The following PTPRD variants were observed in gnomAD, a reference collection of about 807,000 sequenced individuals.
PTPRD encodes protein tyrosine phosphatase receptor type D, also known as receptor-type tyrosine-protein phosphatase delta.
Under a neutral mutation model 214.5 loss-of-function variants are expected in PTPRD, and 34 were observed. The ratio of observed to expected loss-of-function variants is 0.16; its 90% CI spans 0.12 to 0.21. The LOEUF is 0.21. Among genes scored for constraint, PTPRD ranks in the 10% least tolerant of loss-of-function variants. PTPRD has a pLI of 1.00. For synonymous variants in PTPRD, 1,128 were observed against 845.7 expected, an observed-to-expected ratio of 1.33 and a Z score of -5.79; for missense variants, 2,545 against 2,398.7, an observed-to-expected ratio of 1.06 and a Z score of -1.27.
At chr9:8,455,394 T>C (rs2096151330) in intron 33 of PTPRD, among the ~76,000 whole-genome samples, 1 of 152,202 alleles carries the variant, frequency 6.6e-6, no homozygotes, top group Non-Finnish European at 1.5e-5. Context: ...TGATAATATG[T>C]TGATTGTGTA....
intron 4 of PTPRD, among the ~76,000 whole-genome samples, chr9:9,975,288 T>C (rs2095311924): frequency 6.6e-6 from 1 of 152,228 alleles, no homozygotes; most frequent in African/African-American, 2.4e-5. Flanking sequence ...CTAGCTCCTC[T>C]CTTTGAACCA....
At chr9:9,328,803 T>C (rs146090424) in intron 9 of PTPRD, among the ~76,000 whole-genome samples, 2 of 150,332 alleles carry the variant, frequency 1.3e-5, no homozygotes, top group African/African-American at 4.9e-5. Flanking sequence ...CATCCAGCTA[T>C]TTCTTTTTTT....
At chr9:8,577,939 A>C (rs1486358217) in intron 14 of PTPRD, among the ~76,000 whole-genome samples, 5 of 152,204 alleles carry the variant, frequency 3.3e-5, no homozygotes. Flanking sequence ...CTGTGTGTCC[A>C]TCAGTCTCTA....
At chr9:9,322,893 T>A (rs983855713) in intron 9 of PTPRD, among the ~76,000 whole-genome samples, 9 of 152,308 alleles carry the variant, frequency 5.9e-5, no homozygotes, top group Non-Finnish European at 8.8e-5. Flanking sequence ...CCTTGACATA[T>A]TCCACAGTAT....
chr9:9,892,450 A>G (rs1454042070), intron 5 of PTPRD, among the ~76,000 whole-genome samples: 1 of 152,138 alleles, frequency 6.6e-6, no homozygotes, highest in Non-Finnish European at 1.5e-5. Context: ...TCTAGGGCAC[A>G]GTGAGCCAGA....
intron 3 of PTPRD, among the ~76,000 whole-genome samples, chr9:10,297,595 C>A (rs779630163): frequency 6.7e-6 from 1 of 148,276 alleles, no homozygotes; most frequent in Non-Finnish European, 1.5e-5. Context: ...TTTTTTTTTC[C>A]CTAAAAATAT....
At chr9:9,975,826 A>T (rs575649920) in intron 4 of PTPRD, among the ~76,000 whole-genome samples, 1 of 152,306 alleles carries the variant, frequency 6.6e-6, no homozygotes, top group South Asian at 2.1e-4. Context: ...CCTAAACTTC[A>T]GTTTACTGCA....
chr9:10,227,651 A>C (rs2099593337), intron 3 of PTPRD, among the ~76,000 whole-genome samples: 1 of 151,944 alleles, frequency 6.6e-6, no homozygotes, highest in African/African-American at 2.4e-5. Context: ...AATTGTTTAT[A>C]ATGTTCTGTT....
chr9:10,493,100 C>G (rs73394322), intron 2 of PTPRD, among the ~76,000 whole-genome samples: 2,351 of 151,930 alleles, frequency 0.015, 63 homozygotes, highest in African/African-American at 0.053. Flanking sequence ...AATAAGAGAG[C>G]ACAGAAACAA....
In PTPRD at chr9:9,282,257, T is replaced by C. The variant is rs557678843; in HGVS notation, c.-202-98894A>G. On this transcript the variant is annotated intron_variant, in intron 9 of 45. Coordinates refer to ENST00000381196, the MANE Select transcript of PTPRD (RefSeq NM_002839.4). ...GTAATAATGTTTCAATGTAGGCTCA[T>C]TGATGCTACCAAATGTACCATTCTG... Among the ~76,000 whole-genome samples the C allele has an allele frequency of 4.6e-5, 7 of 151,414 alleles. No individual in the cohort carries two copies. In the South Asian group the frequency reaches 1.0e-3, roughly 22 times the overall value.
At chr9:8,420,923 T>C (rs948876371) in intron 35 of PTPRD, among the ~76,000 whole-genome samples, 8 of 152,046 alleles carry the variant, frequency 5.3e-5, no homozygotes, top group Non-Finnish European at 1.5e-5. Context: ...TCCTCATCTG[T>C]GTACAGGATC....
intron 8 of PTPRD, among the ~76,000 whole-genome samples, chr9:9,438,680 T>C (rs1369160106): frequency 6.6e-6 from 1 of 152,188 alleles, no homozygotes; most frequent in Non-Finnish European, 1.5e-5. Context: ...ATATTATGAA[T>C]TAGTATTTAA....
At chr9:9,391,733 C>G (rs549685524) in intron 9 of PTPRD, among the ~76,000 whole-genome samples, 2 of 152,300 alleles carry the variant, frequency 1.3e-5, no homozygotes, top group South Asian at 2.1e-4. Flanking sequence ...TAAAACCAAA[C>G]TCCCTGGAAA....
chr9:10,428,892 C>T (rs184709551), intron 2 of PTPRD, among the ~76,000 whole-genome samples: 1 of 152,090 alleles, frequency 6.6e-6, no homozygotes, highest in African/African-American at 2.4e-5. Context: ...GTCAGACTCA[C>T]ATGGCCCTAG....
chr9:8,556,016 C>T lies in PTPRD; in HGVS notation c.353-27237G>A, dbSNP rs150644867. On this transcript the variant is annotated intron_variant, in intron 14 of 45. Coordinates refer to ENST00000381196, the MANE Select transcript of PTPRD (RefSeq NM_002839.4). The stretch of plus-strand genomic sequence containing the variant: ...GATGGATGTAAAAAATGTGTCTTGG[C>T]GGATCTGGAAAGAGCATGCTACCCT... 8.7e-4 allele frequency among the ~76,000 whole-genome samples: 133 copies of T among 152,210 alleles called. 1 individual carries two copies. The highest frequency in any genetic ancestry group is 1.9e-4 in the East Asian group (1 of 5,166).
chr9:9,461,992 T>G (rs2093701850), intron 8 of PTPRD, among the ~76,000 whole-genome samples: 1 of 152,196 alleles, frequency 6.6e-6, no homozygotes, highest in Admixed American at 6.6e-5. Context: ...TACTTTGTTG[T>G]AATCTATTAT....
At chr9:8,640,091 T>C (rs1280744254) in intron 12 of PTPRD, among the ~76,000 whole-genome samples, 4 of 152,074 alleles carry the variant, frequency 2.6e-5, no homozygotes, top group African/African-American at 9.7e-5. Context: ...CCACCATGCC[T>C]GGGTAATGTT....
intron 8 of PTPRD, among the ~76,000 whole-genome samples, chr9:9,501,973 T>A (rs1159442621): frequency 1.3e-5 from 2 of 151,878 alleles, no homozygotes; most frequent in Admixed American, 1.3e-4. Flanking sequence ...TAAACCCTCT[T>A]TATTGAGGTA....
intron 14 of PTPRD, among the ~76,000 whole-genome samples, chr9:8,531,499 C>A (rs1024641347): frequency 5.3e-5 from 8 of 152,080 alleles, no homozygotes; most frequent in African/African-American, 1.7e-4. Flanking sequence ...ACCTCAAGTG[C>A]TCCAACACCA....
Sources: gnomAD v4.1 joint callset for allele counts (sites outside exome capture counted in the v4.1 genomes callset) on GRCh38, gnomAD v4.1.1 for gene constraint, MANE v1.5 for transcripts, NCBI Gene and HGNC (gene_info 2026-07-23, HGNC 2026-07-21) for gene names.